The following SLC25A32 variants were observed in gnomAD, a reference collection of about 807,000 sequenced individuals.
SLC25A32 encodes the protein Glycine auxotroph B, complementation of hamster.
In SLC25A32, 32 loss-of-function variants were observed where a neutral mutation model predicts 39.0. The observed-to-expected ratio is 0.82, with a 90% CI of 0.62 to 1.10. The LOEUF is 1.10. Among genes scored for constraint, SLC25A32 ranks in the 50% least tolerant of loss-of-function variants. The pLI, the probability that SLC25A32 is intolerant of heterozygous loss-of-function variation, is 0.00. For missense variants in SLC25A32, 367 were observed against 395.3 expected, an observed-to-expected ratio of 0.93 and a Z score of 0.61; for synonymous variants, 166 against 152.4, an observed-to-expected ratio of 1.09 and a Z score of -0.66.
intron 6 of SLC25A32, 41 bp from the exon 7 acceptor site, chr8:103,400,587 G>A: frequency 6.2e-7 from 1 of 1,604,558 alleles, no homozygotes; most frequent in Non-Finnish European, 8.5e-7. Context: ...TTTGTATAGA[G>A]CTAGCTTGAA....
chr8:103,410,783 G>A (rs118081385), intron 1 of SLC25A32, among the ~76,000 whole-genome samples: 2,078 of 152,210 alleles, frequency 0.014, 27 homozygotes, highest in Non-Finnish European at 0.018. Context: ...AAAGTTTGGT[G>A]TACAGAAAGG....
In SLC25A32 at chr8:103,400,533, C is replaced by T. The variant is rs144530892; in HGVS notation, c.826G>A (p.Gly276Ser). ...ITKTWRKEGV[G>S]GFYKGIAPNL... The stretch of plus-strand genomic sequence containing the variant: ...GGAGCAATTCCCTTGTAAAATCCAC[C>T]GACGCCTTCTTTCCTTTAGAGGGAA... The change falls in exon 7 of 7, where the codon GGT (glycine) becomes AGT (serine). Residue 276 changes from glycine to serine, a missense_variant. By Grantham distance (56) the Gly-to-Ser change is moderately conservative (BLOSUM62 0). Coordinates refer to ENST00000297578, the MANE Select transcript of SLC25A32 (RefSeq NM_030780.5). 7.9e-4 allele frequency: 1,281 copies of T among 1,613,960 alleles called. 9 individuals carry two copies. The highest frequency in any genetic ancestry group is 2.3e-3 in the East Asian group (105 of 44,866).
intron 3 of SLC25A32, among the ~76,000 whole-genome samples, 172 bp downstream of exon 3, chr8:103,404,604 A>C (rs1047848579): frequency 2.6e-5 from 4 of 151,550 alleles, no homozygotes; most frequent in Non-Finnish European, 5.9e-5. Flanking sequence ...TCAAAAAAAA[A>C]AACCAAAAAC....
chr8:103,405,979 T>C (rs997910709), intron 2 of SLC25A32, among the ~76,000 whole-genome samples: 2 of 151,930 alleles, frequency 1.3e-5, no homozygotes, highest in South Asian at 2.1e-4. Flanking sequence ...CAAGAAATTC[T>C]TATCACAAAA....
At chr8:103,414,331 G>A (rs1816537804) in intron 1 of SLC25A32, among the ~76,000 whole-genome samples, 1 of 152,124 alleles carries the variant, frequency 6.6e-6, no homozygotes, top group Non-Finnish European at 1.5e-5. Context: ...AAACATTCAA[G>A]AGAATTCTAT....
chr8:103,407,799 AC>A lies in SLC25A32; in HGVS notation c.155-16del. 6.2e-7 allele frequency: 1 copy of A among 1,610,350 alleles called. No individual in the cohort carries two copies. Among genetic ancestry groups the A allele is most frequent in the Non-Finnish European group, 8.5e-7 (1 of 1,177,502 alleles). ...TCCATCACTCACTGCATCAAGGGATACACAAAGTCAGGTAAGAACAAAGTTC... is the reference window on the plus strand; with the variant it reads ...TCCATCACTCACTGCATCAAGGGATAACAAAGTCAGGTAAGAACAAAGTTC... On this transcript the variant is annotated splice_polypyrimidine_tract_variant and intron_variant, in intron 1 of 6. Transcript: ENST00000297578.
chr8:103,413,634 A>G (rs966815254), intron 1 of SLC25A32, among the ~76,000 whole-genome samples: 3 of 152,246 alleles, frequency 2.0e-5, no homozygotes, highest in Non-Finnish European at 2.9e-5. Flanking sequence ...TGTCAATAAC[A>G]TAATTATTTG....
chr8:103,401,646 T>C lies in SLC25A32; in HGVS notation c.682A>G (p.Ile228Val), dbSNP rs763585056. Residue 228 changes from isoleucine to valine, a missense_variant, in exon 6 of 7, where the codon ATA (isoleucine) becomes GTA (valine). Transcript: ENST00000297578. The part of the protein sequence containing the change: ...PEAQLSTVEY[I>V]SVAALSKIFA... ...ATTTTGGATAGTGCTGCAACAGATA[T>C]ATATTCTACTGTGCTCTAAAATGGC... 3 of 1,610,030 alleles carry C rather than the reference T, an allele frequency of 1.9e-6. No homozygotes were observed. The highest frequency in any genetic ancestry group is 2.2e-5 in the South Asian group (2 of 90,180).
chr8:103,401,587 G>A lies in SLC25A32; in HGVS notation c.741C>T (p.Val247=). 8.1e-6 allele frequency: 13 copies of A among 1,613,628 alleles called. No individual in the cohort carries two copies. The highest frequency in any genetic ancestry group is 1.1e-5 in the Non-Finnish European group (13 of 1,179,708). The part of the protein sequence containing the change: ...FAVAATYPYQ[V]VRARLQDQHM... ...GTTGATCCTGAAGACGAGCTCTTAC[G>A]ACTTGATATGGGTATGTTGCTGCGA... is the stretch of plus-strand genomic sequence containing the variant. The change falls in exon 6 of 7, where the codon GTC becomes GTT. Residue 247 remains valine (V), a synonymous_variant. Coordinates refer to ENST00000297578, the MANE Select transcript of SLC25A32 (RefSeq NM_030780.5).
At chr8:103,414,093 C>A (rs1270591823) in intron 1 of SLC25A32, among the ~76,000 whole-genome samples, 1 of 152,224 alleles carries the variant, frequency 6.6e-6, no homozygotes, top group African/African-American at 2.4e-5. Flanking sequence ...AGATTTAATT[C>A]TCAAGGCTGA....
intron 3 of SLC25A32, among the ~76,000 whole-genome samples, chr8:103,404,211 G>A (rs1181816450): frequency 6.6e-6 from 1 of 152,104 alleles, no homozygotes; most frequent in East Asian, 1.9e-4. Flanking sequence ...TAAACCATTA[G>A]GGATTCATAA....
At position 103,402,012 on chromosome 8, in the gene SLC25A32, G is replaced by T; in HGVS notation, c.595C>A (p.Gln199Lys). The T allele has an allele frequency of 1.2e-6, 2 of 1,613,026 alleles. No homozygotes were observed. The highest frequency in any genetic ancestry group is 1.7e-6 in the Non-Finnish European group (2 of 1,179,470). Residue 199 changes from glutamine to lysine, a missense_variant, in exon 5 of 7, where the codon CAG (glutamine) becomes AAG (lysine). Physicochemically the swap from Gln to Lys is moderately conservative, Grantham distance 53. Coordinates refer to ENST00000297578, the MANE Select transcript of SLC25A32 (RefSeq NM_030780.5). ...TTCAGCAATTCATATGCCATAAACTGAAGGGCACCATGCGATGTTCCAAAC... is the reference window on the plus strand; with the variant it reads ...TTCAGCAATTCATATGCCATAAACTTAAGGGCACCATGCGATGTTCCAAAC... ...GLFGTSHGAL[Q>K]FMAYELLKLK... is the part of the protein sequence containing the mutation.
At position 103,402,130 on chromosome 8, in the gene SLC25A32, TTC is replaced by T. The variant is rs1816231637; in HGVS notation, c.553-78_553-77del. 8.7e-6 allele frequency: 8 copies of T among 915,242 alleles called. No individual in the cohort carries two copies. In the Admixed American group the frequency reaches 1.5e-4, roughly 17 times the overall value. The allele number at this position is 915,242 out of a possible 1,614,324, so 56.7% of individuals were successfully genotyped here. A position where few individuals can be genotyped will look rare whatever the true frequency, so the allele number is the denominator to read the frequency against. ...ATATATTTAAGTAAAATACTTTCTC[TTC>T]TCTCTCATTACAGCACTTTAAGCAA... On this transcript the variant is annotated intron_variant, in intron 4 of 6. Coordinates refer to ENST00000297578, the MANE Select transcript of SLC25A32 (RefSeq NM_030780.5).
chr8:103,399,872 T>A lies in SLC25A32; in HGVS notation c.*539A>T, dbSNP rs1306008973. On this transcript the variant is annotated 3_prime_UTR_variant, in exon 7 of 7. Transcript: ENST00000297578. ...GTGAGCTGAGATCACGCCACTGCAC[T>A]CCAGCCTGGGCGACAAAGCAAGACT... The A allele has an allele frequency of 6.5e-6, 1 of 153,496 alleles. No homozygotes were observed. The highest frequency in any genetic ancestry group is 2.4e-5 in the African/African-American group (1 of 41,412). 9.5% of individuals were successfully genotyped at this position (153,496 alleles called of 1,614,324 possible). A position where few individuals can be genotyped will look rare whatever the true frequency, so the allele number is the denominator to read the frequency against.
At chr8:103,411,066 G>A (rs3134285) in intron 1 of SLC25A32, among the ~76,000 whole-genome samples, 76,618 of 151,886 alleles carry the variant, frequency 0.5, 20,053 homozygotes, top group African/African-American at 0.66. Flanking sequence ...AAACCAGACT[G>A]GAATTGAAAA....
chr8:103,401,500 T>A lies in SLC25A32; in HGVS notation c.812+16A>T, dbSNP rs369582581. On this transcript the variant is annotated intron_variant, in intron 6 of 6. Transcript: ENST00000297578. ...TACCTTGTCAAAGCAATTTTTGATA[T>A]AGCACGTGCTCTCACCTCCATGTCT... is the stretch of plus-strand genomic sequence containing the variant. 1 of 1,605,890 alleles carries A rather than the reference T, an allele frequency of 6.2e-7. No homozygotes were observed. The highest frequency in any genetic ancestry group is 1.1e-5 in the South Asian group (1 of 89,388).
chr8:103,401,114 A>ATC (rs968322409), intron 6 of SLC25A32, among the ~76,000 whole-genome samples: 1 of 152,216 alleles, frequency 6.6e-6, no homozygotes, highest in Non-Finnish European at 1.5e-5. Context: ...AAGAACAAAC[A>ATC]TCTCTTTCAT....
chr8:103,413,161 A>G (rs552034466), intron 1 of SLC25A32, among the ~76,000 whole-genome samples: 78 of 152,318 alleles, frequency 5.1e-4, no homozygotes, highest in African/African-American at 1.9e-3. Context: ...AGGTACCAAG[A>G]ATTCCCTTTC....
intron 2 of SLC25A32, among the ~76,000 whole-genome samples, chr8:103,406,683 G>A (rs535429721): frequency 6.6e-6 from 1 of 152,324 alleles, no homozygotes; most frequent in South Asian, 2.1e-4. Context: ...AAACCCTTTA[G>A]GCCATGCACT....
Sources: allele counts gnomAD v4.1 joint callset (sites outside exome capture counted in the v4.1 genomes callset), GRCh38; gene constraint gnomAD v4.1.1; transcripts MANE v1.5; gene names NCBI Gene and HGNC (gene_info 2026-07-23, HGNC 2026-07-21).